BPIFA2: variants seen among roughly 807,000 people sequenced by gnomAD.
BPIFA2 encodes the protein BPI fold-containing family A member 2.
A neutral mutation model predicts 25.7 loss-of-function variants in BPIFA2; 20 were observed. The observed-to-expected ratio is 0.78, with a 90% CI of 0.55 to 1.13. The LOEUF (loss-of-function observed/expected upper bound fraction) is 1.13. Ranked by LOEUF, BPIFA2 falls within the 50% of genes most tolerant of loss-of-function variation. The probability of loss-of-function intolerance (pLI) is 0.00; values close to 1 mark genes in which losing one functional copy is unlikely to be tolerated. For synonymous variants in BPIFA2, 126 were observed against 124.3 expected, an observed-to-expected ratio of 1.01 and a Z score of -0.09; for missense variants, 300 against 298.1, an observed-to-expected ratio of 1.01 and a Z score of -0.05.
rs41290862 is a variant in BPIFA2 at position 33,173,121 on chromosome 20, G to A, written c.302+45G>A. 6.5e-3 allele frequency: 10,364 copies of A among 1,590,618 alleles called. 51 individuals are homozygous for A. The highest frequency in any genetic ancestry group is 7.9e-3 in the Non-Finnish European group (9,178 of 1,165,002). On this transcript the variant is annotated intron_variant, in intron 3 of 8. Transcript: ENST00000354932. ...TGGAGATCTTTGCTCTAAGGAAAGG[G>A]AAAACATATCTTTGAGGAGGTAAGT...
chr20:33,164,559 C>CTCTT (rs72080740), upstream of BPIFA2, among the ~76,000 whole-genome samples: 82 of 151,514 alleles, frequency 5.4e-4, no homozygotes, highest in Middle Eastern at 0.014. Flanking sequence ...TCCCCTCTCT[C>CTCTT]TCTTTCTTTC....
At chr20:33,178,631 T>C (rs185976748) in intron 6 of BPIFA2, among the ~76,000 whole-genome samples, 6 of 152,342 alleles carry the variant, frequency 3.9e-5, no homozygotes, top group Admixed American at 6.5e-5. Flanking sequence ...TTTTAATTTT[T>C]TTTCCATCTG....
chr20:33,173,085 G>T lies in BPIFA2; in HGVS notation c.302+9G>T, dbSNP rs745464425. 29 of 1,612,898 alleles carry T rather than the reference G, an allele frequency of 1.8e-5. No homozygotes were observed. The highest frequency in any genetic ancestry group is 6.7e-5 in the African/African-American group (5 of 74,858). On this transcript the variant is annotated intron_variant, in intron 3 of 8. Coordinates refer to ENST00000354932, the MANE Select transcript of BPIFA2 (RefSeq NM_080574.4). The stretch of plus-strand genomic sequence containing the variant: ...AACACGGACATTTTTGGGTGAGTTG[G>T]TCCTTCAGGGTGGAGATCTTTGCTC...
chr20:33,169,313 A>G lies in BPIFA2; in HGVS notation c.157+11A>G. The G allele has an allele frequency of 6.2e-7, 1 of 1,613,114 alleles. No individual in the cohort carries two copies. Among genetic ancestry groups the G allele is most frequent in the Non-Finnish European group, 8.5e-7 (1 of 1,179,050 alleles). ...ACAATACTCTTAAAGGTAAATCAACAAGGGTGATGAACAGTGTCACCTAAA... is the reference window on the plus strand; with the variant it reads ...ACAATACTCTTAAAGGTAAATCAACGAGGGTGATGAACAGTGTCACCTAAA... On this transcript the variant is annotated intron_variant, in intron 2 of 8. Coordinates refer to ENST00000354932, the MANE Select transcript of BPIFA2 (RefSeq NM_080574.4).
In BPIFA2 at chr20:33,174,071, T is replaced by C. The variant is rs755714792; in HGVS notation, c.303-8T>C. 6.2e-7 allele frequency: 1 copy of C among 1,612,510 alleles called. No homozygotes were observed. The highest frequency in any genetic ancestry group is 2.2e-5 in the East Asian group (1 of 44,876). On this transcript the variant is annotated splice_region_variant and splice_polypyrimidine_tract_variant and intron_variant, in intron 3 of 8. Transcript: ENST00000354932. The stretch of plus-strand genomic sequence containing the variant: ...GAGTGACAAGGGTGAATTGTGGGTT[T>C]CACACAGGTTGAAAATCAGCAACTC...
chr20:33,177,310 G>A (rs1394718515), intron 5 of BPIFA2, among the ~76,000 whole-genome samples: 6 of 151,744 alleles, frequency 4.0e-5, no homozygotes, highest in South Asian at 2.1e-4. Flanking sequence ...AGCCGAGATC[G>A]TGCCACTGCA....
intron 6 of BPIFA2, among the ~76,000 whole-genome samples, chr20:33,178,858 G>A (rs1180609885): frequency 2.0e-5 from 3 of 152,150 alleles, no homozygotes; most frequent in Admixed American, 6.5e-5. Context: ...ATAGGAATGC[G>A]GAATCTCAGG....
At chr20:33,164,151 G>A (rs1983654127), upstream of BPIFA2, among the ~76,000 whole-genome samples, 1 of 152,214 alleles carries the variant, frequency 6.6e-6, no homozygotes, top group Non-Finnish European at 1.5e-5. Context: ...CTAAAGGGTT[G>A]TCAAAAGCAT....
At chr20:33,171,978 G>GGTAAGAACCAGCAAA (rs540027467) in intron 2 of BPIFA2, among the ~76,000 whole-genome samples, 137 of 152,220 alleles carry the variant, frequency 9.0e-4, no homozygotes, top group African/African-American at 3.1e-3. Flanking sequence ...GCAAAGACAT[G>GGTAAGAACCAGCAAA]GAACCAACCC....
chr20:33,180,409 G>T, intron 7 of BPIFA2, 111 bp from the exon 8 acceptor site: 2 of 1,169,412 alleles, frequency 1.7e-6, no homozygotes, highest in Non-Finnish European at 2.5e-6. Context: ...AACATCCCTG[G>T]GGTCCCACAA....
intron 5 of BPIFA2, among the ~76,000 whole-genome samples, chr20:33,176,810 C>G (rs1984094588): frequency 6.6e-6 from 1 of 152,150 alleles, no homozygotes; most frequent in South Asian, 2.1e-4. Flanking sequence ...ATACAGTGGC[C>G]TTTGTGCCAT....
rs201245135 is a variant in BPIFA2 at position 33,180,504 on chromosome 20, G to A, written c.710-16G>A. Reference sequence around the variant, plus strand: ...GTGGCAGAGACTAAGGCCTGCTATTGATTTTGTTTCTTCAGATAATCCTCA... The same window carrying A: ...GTGGCAGAGACTAAGGCCTGCTATTAATTTTGTTTCTTCAGATAATCCTCA... On this transcript the variant is annotated splice_polypyrimidine_tract_variant and intron_variant, in intron 7 of 8. Transcript: ENST00000354932. The A allele has an allele frequency of 1.7e-4, 267 of 1,611,158 alleles. No individual in the cohort carries two copies. The highest frequency in any genetic ancestry group is 2.2e-4 in the Non-Finnish European group (255 of 1,177,468).
chr20:33,164,587 T>C (rs563131896), upstream of BPIFA2, among the ~76,000 whole-genome samples: 1 of 151,928 alleles, frequency 6.6e-6, no homozygotes, highest in East Asian at 1.9e-4. Flanking sequence ...CTTTCTTCCT[T>C]CCCTCTCTCC....
chr20:33,166,333 A>G (rs916906940), upstream of BPIFA2, among the ~76,000 whole-genome samples: 4 of 152,166 alleles, frequency 2.6e-5, no homozygotes, highest in Admixed American at 2.6e-4. Flanking sequence ...TCCTCATTTT[A>G]TAATGGGTTG....
chr20:33,178,269 G>T (rs753666052), intron 6 of BPIFA2, 41 bp downstream of exon 6: 2 of 1,436,790 alleles, frequency 1.4e-6, no homozygotes, highest in Admixed American at 1.8e-5. Flanking sequence ...CAGGCCTGGT[G>T]GGGGCAGGTG....
At chr20:33,180,166 C>T (rs965946617) in intron 7 of BPIFA2, among the ~76,000 whole-genome samples, 3 of 151,504 alleles carry the variant, frequency 2.0e-5, no homozygotes, top group East Asian at 3.9e-4. Flanking sequence ...CGCAGGTAGC[C>T]GACATCATGC....
chr20:33,172,790 C>A, intron 2 of BPIFA2, 142 bp from the exon 3 acceptor site: 1 of 899,576 alleles, frequency 1.1e-6, no homozygotes, highest in Non-Finnish European at 1.6e-6. Context: ...TATAAAAAAG[C>A]AGACAGTGAC....
Position 33,169,196 on chromosome 20 carries a change from C to T in BPIFA2, c.51C>T (p.Thr17=), listed in dbSNP as rs1254043223. Residue 17 remains threonine (T), a synonymous_variant, in exon 2 of 9, where the codon ACC becomes ACT. Coordinates refer to ENST00000354932, the MANE Select transcript of BPIFA2 (RefSeq NM_080574.4). ...LVLLCGVLTG[T]SESLLDNLGN... ...TCCTGTGCGGCGTGCTCACTGGGACCTCAGAGTCTCTTCTTGACAATCTTG... is the reference window on the plus strand; with the variant it reads ...TCCTGTGCGGCGTGCTCACTGGGACTTCAGAGTCTCTTCTTGACAATCTTG... 4 of 1,614,082 alleles carry T rather than the reference C, an allele frequency of 2.5e-6. No individual in the cohort carries two copies. The South Asian group carries it at 3.3e-5, about 13-fold the overall frequency.
chr20:33,179,767 AC>A, intron 7 of BPIFA2, 100 bp downstream of exon 7: 5 of 1,242,448 alleles, frequency 4.0e-6, no homozygotes, highest in Non-Finnish European at 5.9e-6. Flanking sequence ...AAGCAGAAGG[AC>A]CCACTGTCCT....
Sources: gnomAD v4.1 joint callset for allele counts (sites outside exome capture counted in the v4.1 genomes callset) on GRCh38, gnomAD v4.1.1 for gene constraint, MANE v1.5 for transcripts, NCBI Gene and HGNC (gene_info 2026-07-23, HGNC 2026-07-21) for gene names.